Variants in AMY2B observed in about 807,000 individuals in gnomAD.
AMY2B encodes the protein amylase alpha 2B.
AMY2B carries 63 observed loss-of-function variants against 59.3 expected under a neutral mutation model. The observed-to-expected ratio is 1.06, with a 90% CI of 0.87 to 1.31. The LOEUF (loss-of-function observed/expected upper bound fraction) is 1.31, where lower values mean the gene tolerates loss of function less well. AMY2B is among the 50% of genes most tolerant of loss of function. AMY2B has a pLI of 0.00. For synonymous variants in AMY2B, 180 were observed against 198.1 expected (o/e 0.91, Z 0.77); for missense variants, 635 against 626.7 (o/e 1.01, Z -0.14).
At position 103,573,741 on chromosome 1, in the gene AMY2B, C is replaced by T; in HGVS notation, c.547C>T (p.Leu183Phe). 1 of 1,613,792 alleles carries T rather than the reference C, an allele frequency of 6.2e-7. No homozygotes were observed. The highest frequency in any genetic ancestry group is 8.5e-7 in the Non-Finnish European group (1 of 1,179,742). Residue 183 changes from leucine to phenylalanine, a missense_variant, in exon 4 of 10, where the codon CTT becomes TTT. Transcript: ENST00000684275. ...RDCRLVGLLD[L>F]ALEKDYVRSK... ...TTGTCGTCTGGTTGGTCTTCTTGAT[C>T]TTGCACTGGAGAAAGATTATGTGCG...
chr1:103,574,202 G>T (rs1652253182), intron 4 of AMY2B, 58 bp from the exon 5 acceptor site: 8 of 1,608,978 alleles, frequency 5.0e-6, no homozygotes, highest in Non-Finnish European at 6.8e-6. Flanking sequence ...TTAACTTATT[G>T]GTTAAAATGC....
At chr1:103,567,797 C>A (rs1651960396), upstream of AMY2B, among the ~76,000 whole-genome samples, 1 of 152,176 alleles carries the variant, frequency 6.6e-6, no homozygotes, top group Non-Finnish European at 1.5e-5. Flanking sequence ...TTTTATCCCA[C>A]CCTTTATCAC....
chr1:103,574,082 G>A, intron 4 of AMY2B, 144 bp downstream of exon 4: 1 of 1,507,352 alleles, frequency 6.6e-7, no homozygotes, highest in South Asian at 1.3e-5. Context: ...TTCACATACA[G>A]CATATCTAAT....
At chr1:103,570,285 C>T, upstream of AMY2B, 1 of 575,226 alleles carries the variant, frequency 1.7e-6, no homozygotes, top group Admixed American at 1.9e-5. Context: ...TGCCTGATGG[C>T]CATGTCATCA....
At chr1:103,573,405 A>C in intron 3 of AMY2B, 145 bp downstream of exon 3, 2 of 1,422,588 alleles carry the variant, frequency 1.4e-6, no homozygotes, top group South Asian at 1.4e-5. Flanking sequence ...TAAGAAACTC[A>C]AATCCATATT....
At chr1:103,578,194 CCT>C (rs1286292419) in intron 9 of AMY2B, among the ~76,000 whole-genome samples, 10 of 152,080 alleles carry the variant, frequency 6.6e-5, no homozygotes, top group South Asian at 6.2e-4. Flanking sequence ...GTCTTATATT[CCT>C]GTTTTTTTAA....
At chr1:103,572,976 T>C (rs1652194877) in intron 2 of AMY2B, 87 bp from the exon 3 acceptor site, 1 of 1,605,012 alleles carries the variant, frequency 6.2e-7, no homozygotes, top group Non-Finnish European at 8.5e-7. Flanking sequence ...TTTGGAGTTT[T>C]ATTAACATAC....
At chr1:103,560,279 CAT>C (rs1426818449) in intron 1 of AMY2B, among the ~76,000 whole-genome samples, 1 of 152,046 alleles carries the variant, frequency 6.6e-6, no homozygotes, top group Non-Finnish European at 1.5e-5. Flanking sequence ...GGTGAGTAAA[CAT>C]ATATTTGTTG....
Position 103,573,721 on chromosome 1 carries a change from G to T in AMY2B, c.527G>T (p.Arg176Leu). Residue 176 changes from arginine to leucine, a missense_variant, in exon 4 of 10, where the codon CGT becomes CTT. Coordinates refer to ENST00000684275, the MANE Select transcript of AMY2B (RefSeq NM_001387437.1). Reference sequence around the variant, plus strand: ...TTACCTCAACAGGTCAGAGATTGTCGTCTGGTTGGTCTTCTTGATCTTGCA... The same window carrying T: ...TTACCTCAACAGGTCAGAGATTGTCTTCTGGTTGGTCTTCTTGATCTTGCA... ...YNDATQVRDC[R>L]LVGLLDLALE... 6.2e-7 allele frequency: 1 copy of T among 1,613,666 alleles called. No individual in the cohort carries two copies. The highest frequency in any genetic ancestry group is 8.5e-7 in the Non-Finnish European group (1 of 1,179,648).
At chr1:103,562,750 A>G (rs977034642) in intron 1 of AMY2B, among the ~76,000 whole-genome samples, 1 of 147,184 alleles carries the variant, frequency 6.8e-6, no homozygotes, top group Non-Finnish European at 1.5e-5. Context: ...ATGTGAGGCT[A>G]CTTTGGATAG....
intron 9 of AMY2B, among the ~76,000 whole-genome samples, chr1:103,578,519 G>A (rs1652450935): frequency 6.6e-6 from 1 of 152,010 alleles, no homozygotes; most frequent in Non-Finnish European, 1.5e-5. Flanking sequence ...AATTGTCTCT[G>A]TCCAAAGCCA....
intron 9 of AMY2B, 48 bp downstream of exon 9, chr1:103,577,893 G>C (rs191004363): frequency 6.3e-7 from 1 of 1,590,290 alleles, no homozygotes; most frequent in African/African-American, 1.3e-5. Context: ...GTATGCTCTT[G>C]GTTTATTCCT....
In AMY2B at chr1:103,571,590, A is replaced by G. The variant is rs1208100341; in HGVS notation, c.-13A>G. Reference sequence around the variant, plus strand: ...ATAGTTTCTGGAAAGGACACTGACAACTTCAAAGCAAAATGAAGTTCTTTC... The same window carrying G: ...ATAGTTTCTGGAAAGGACACTGACAGCTTCAAAGCAAAATGAAGTTCTTTC... On this transcript the variant is annotated 5_prime_UTR_variant, in exon 1 of 10. Transcript: ENST00000684275. 5 of 1,610,088 alleles carry G rather than the reference A, an allele frequency of 3.1e-6. No homozygotes were observed. In the African/African-American group the frequency reaches 5.3e-5, roughly 17 times the overall value.
At chr1:103,561,478 G>A (rs1402490776) in intron 1 of AMY2B, among the ~76,000 whole-genome samples, 1 of 152,000 alleles carries the variant, frequency 6.6e-6, no homozygotes, top group African/African-American at 2.4e-5. Context: ...ATGTTGGCCA[G>A]GCTGGTCTCA....
chr1:103,578,709 T>G (rs1652458135), intron 9 of AMY2B, among the ~76,000 whole-genome samples: 1 of 152,230 alleles, frequency 6.6e-6, no homozygotes, highest in Non-Finnish European at 1.5e-5. Flanking sequence ...GAGAAAGCTT[T>G]ATATTTCAAA....
chr1:103,575,483 T>G lies in AMY2B; in HGVS notation c.1044T>G (p.Tyr348Ter), dbSNP rs767334674. The G allele has an allele frequency of 1.9e-6, 3 of 1,613,666 alleles. No homozygotes were observed. In the East Asian group the frequency reaches 6.7e-5, roughly 36 times the overall value. ...MAVGFMLAHPYGFTRVMSSYR... is the reference protein window; with the variant it reads ...MAVGFMLAHP ...TTGGATTTATGCTTGCTCATCCTTA[T>G]GGTTTTACACGAGTAATGTCAAGCT... Residue 348 changes from tyrosine to a stop codon, truncating the protein, a stop_gained, in exon 7 of 10, where the codon TAT becomes TAG. Transcript: ENST00000684275. LOFTEE classifies it high-confidence loss of function.
At chr1:103,572,816 A>G (rs369974487) in intron 2 of AMY2B, among the ~76,000 whole-genome samples, 15 of 152,014 alleles carry the variant, frequency 9.9e-5, no homozygotes, top group African/African-American at 2.9e-4. Flanking sequence ...ATTTCCTCCT[A>G]TTTATGGTAG....
At position 103,573,853 on chromosome 1, in the gene AMY2B, G is replaced by A. The variant is rs1372276130; in HGVS notation, c.659G>A (p.Gly220Glu). Residue 220 changes from glycine to glutamate, a missense_variant, in exon 4 of 10, where the codon GGA (glycine) becomes GAA (glutamate). By Grantham distance (98) the Gly-to-Glu change is moderately conservative. Coordinates refer to ENST00000684275, the MANE Select transcript of AMY2B (RefSeq NM_001387437.1). The stretch of plus-strand genomic sequence containing the variant: ...GATGCTTCCAAGCACATGTGGCCTG[G>A]AGACATAAAGGCAATTTTGGACAAA... ...RLDASKHMWP[G>E]DIKAILDKLH... 1 of 1,613,712 alleles carries A rather than the reference G, an allele frequency of 6.2e-7. No homozygotes were observed. Among genetic ancestry groups the A allele is most frequent in the Admixed American group, 1.7e-5 (1 of 59,972 alleles).
chr1:103,570,322 C>G (rs144628009), upstream of AMY2B: 13 of 640,752 alleles, frequency 2.0e-5, no homozygotes, highest in Non-Finnish European at 3.6e-5. Flanking sequence ...TGCAGTGTCC[C>G]GAGACGCTGT....
Sources: gnomAD v4.1 joint callset for allele counts (sites outside exome capture counted in the v4.1 genomes callset) on GRCh38, gnomAD v4.1.1 for gene constraint, MANE v1.5 for transcripts, NCBI Gene and HGNC (gene_info 2026-07-23, HGNC 2026-07-21) for gene names.